CD81: variants seen among roughly 807,000 people sequenced by gnomAD.
The protein encoded by CD81 is CD81 molecule.
Under a neutral mutation model 30.1 loss-of-function variants are expected in CD81, and 10 were observed. The ratio of observed to expected loss-of-function variants is 0.33; its 90% CI spans 0.21 to 0.56. The LOEUF (loss-of-function observed/expected upper bound fraction) is 0.56. Ranked by LOEUF, CD81 falls within the 20% of genes least tolerant of loss-of-function variation. CD81 has a pLI of 0.89. For missense variants in CD81, 263 were observed against 308.7 expected (o/e 0.85, Z 1.11); for synonymous variants, 147 against 126.4 (o/e 1.16, Z -1.10).
At chr11:2,380,322 G>T (rs1849682884) in intron 1 of CD81, among the ~76,000 whole-genome samples, 2 of 152,068 alleles carry the variant, frequency 1.3e-5, no homozygotes, top group African/African-American at 4.8e-5. Flanking sequence ...CCATTTTAGA[G>T]AGGAAAGAGG....
intron 1 of CD81, chr11:2,386,774 T>C: frequency 1.5e-6 from 1 of 646,700 alleles, no homozygotes; most frequent in Non-Finnish European, 2.9e-6. Context: ...CGGCTGTCCC[T>C]CCCACCCCCT....
chr11:2,390,088 T>A (rs1486480915), intron 1 of CD81: 2 of 469,030 alleles, frequency 4.3e-6, no homozygotes, highest in African/African-American at 3.9e-5. Context: ...TGGGACACAC[T>A]TACCCTAAAG....
chr11:2,380,732 G>A (rs1299328138), intron 1 of CD81, among the ~76,000 whole-genome samples: 1 of 152,094 alleles, frequency 6.6e-6, no homozygotes, highest in Non-Finnish European at 1.5e-5. Flanking sequence ...CCCGGGACAG[G>A]GAACTGGCCT....
rs1023925894 is a variant in CD81, at chr11:2,382,832, A to G, written c.66+5217A>G. Among the ~76,000 whole-genome samples the G allele has an allele frequency of 2.6e-5, 4 of 152,198 alleles. No individual in the cohort carries two copies. In the South Asian group the frequency reaches 6.2e-4, roughly 24 times the overall value. On this transcript the variant is annotated intron_variant, in intron 1 of 7. Coordinates refer to ENST00000263645, the MANE Select transcript of CD81 (RefSeq NM_004356.4). ...GGACCCAGGCCGATGGGGGCCCAGA[A>G]CAGTCCTGATCCTGGAGCTCCTTCC...
At chr11:2,396,145 G>C (rs900819787) in intron 6 of CD81, 175 bp downstream of exon 6, 5 of 661,334 alleles carry the variant, frequency 7.6e-6, no homozygotes, top group Non-Finnish European at 1.4e-5. Flanking sequence ...TCTGGCCCAC[G>C]AGGAAGGCAG....
At position 2,377,683 on chromosome 11, in the gene CD81, G is replaced by C. The variant is rs1032272665; in HGVS notation, c.66+68G>C. ...ACACTCCACGTTGGGCAGGTCCCGCGGCAGCGTGCTAGGCCCCGCGGGCGC... is the reference window on the plus strand; with the variant it reads ...ACACTCCACGTTGGGCAGGTCCCGCCGCAGCGTGCTAGGCCCCGCGGGCGC... On this transcript the variant is annotated intron_variant, in intron 1 of 7. Transcript: ENST00000263645. This position sits in a 1 kb window ranked among gnomAD's most constrained non-coding sequence, Gnocchi z 7.7. 2 of 1,129,266 alleles carry C rather than the reference G, an allele frequency of 1.8e-6. No individual in the cohort carries two copies. The highest frequency in any genetic ancestry group is 2.5e-6 in the Non-Finnish European group (2 of 808,822). 70.0% of individuals were successfully genotyped at this position (1,129,266 alleles called of 1,614,324 possible). A position where few individuals can be genotyped will look rare whatever the true frequency, so the allele number is the denominator to read the frequency against.
rs757277562 is a variant in CD81 at position 2,394,013 on chromosome 11, T to G, written c.182-82T>G. ...ATCTTCCCAGCTGGGCGGCCCGTGG[T>G]GGGTTCGGCACCCAGGACCCTCCGG... is the stretch of plus-strand genomic sequence containing the variant. On this transcript the variant is annotated intron_variant, in intron 2 of 7. Coordinates refer to ENST00000263645, the MANE Select transcript of CD81 (RefSeq NM_004356.4). The G allele has an allele frequency of 1.5e-5, 16 of 1,045,380 alleles. No homozygotes were observed. In the South Asian group the frequency reaches 2.0e-4, roughly 13 times the overall value. 64.8% of individuals were successfully genotyped at this position (1,045,380 alleles called of 1,614,324 possible). A position where few individuals can be genotyped will look rare whatever the true frequency, so the allele number is the denominator to read the frequency against.
chr11:2,386,420 C>T (rs1849798695), intron 1 of CD81: 2 of 657,454 alleles, frequency 3.0e-6, no homozygotes, highest in East Asian at 2.7e-5. Context: ...GGCACCTGTG[C>T]CTTTCCCACC....
chr11:2,376,336 C>T (rs1318428138), upstream of CD81: 1 of 152,258 alleles, frequency 6.6e-6, no homozygotes, highest in Non-Finnish European at 1.5e-5. Flanking sequence ...GTTCTCCGGA[C>T]CTGGTCCCAC....
intron 1 of CD81, among the ~76,000 whole-genome samples, chr11:2,389,345 G>A (rs1849854420): frequency 1.3e-5 from 2 of 152,198 alleles, no homozygotes; most frequent in South Asian, 4.1e-4. Context: ...CTAGGCACCA[G>A]GGACAGCAGA....
intron 1 of CD81, among the ~76,000 whole-genome samples, chr11:2,389,381 A>C (rs1276849896): frequency 1.3e-5 from 2 of 152,046 alleles, no homozygotes; most frequent in Non-Finnish European, 2.9e-5. Flanking sequence ...CTCTCCCACC[A>C]CCAGAGGGCT....
At position 2,394,062 on chromosome 11, in the gene CD81, T is replaced by A. The variant is rs1989896; in HGVS notation, c.182-33T>A. On this transcript the variant is annotated intron_variant, in intron 2 of 7. Coordinates refer to ENST00000263645, the MANE Select transcript of CD81 (RefSeq NM_004356.4). ...GGGGTCTTGGGCTGTGGCGAGTGTG[T>A]AGGCACCCACCTGGTGTCTCTCTCC... 5 of 1,533,186 alleles carry A rather than the reference T, an allele frequency of 3.3e-6. No individual in the cohort carries two copies. In the South Asian group the frequency reaches 3.4e-5, roughly 10 times the overall value. The allele number at this position is 1,533,186 out of a possible 1,614,324, so 95.0% of individuals were successfully genotyped here.
chr11:2,394,373 G>A (rs912705327), intron 3 of CD81, among the ~76,000 whole-genome samples, 181 bp downstream of exon 3: 4 of 152,178 alleles, frequency 2.6e-5, no homozygotes, highest in African/African-American at 9.7e-5. Context: ...GGTCTCCATC[G>A]TGGCCAGTTC....
chr11:2,393,853 G>A, intron 2 of CD81: 1 of 673,174 alleles, frequency 1.5e-6, no homozygotes, highest in Non-Finnish European at 2.7e-6. Context: ...CGCTCATGAG[G>A]TGCCCAGTCC....
rs1034242976 is a variant in CD81, at chr11:2,386,388, A to C, written c.67-4024A>C. On this transcript the variant is annotated intron_variant, in intron 1 of 7. Coordinates refer to ENST00000263645, the MANE Select transcript of CD81 (RefSeq NM_004356.4). ...TCTGGGGAACCTCTAGCCCTGCCAC[A>C]TGGGGTTTGTTATGGGGCAGGGGCA... 2.4e-5 allele frequency: 15 copies of C among 635,034 alleles called. No homozygotes were observed. The African/African-American group carries it at 2.5e-4, about 11-fold the overall frequency. 39.3% of individuals were successfully genotyped at this position (635,034 alleles called of 1,614,324 possible).
Position 2,395,979 on chromosome 11 carries a change from G to A in CD81, c.561+9G>A. ...TCAGCAACCTCTTCAAGGTGCGCGA[G>A]GCCGGTGGGGCCGCGCCTGACCCCC... On this transcript the variant is annotated intron_variant, in intron 6 of 7. Coordinates refer to ENST00000263645, the MANE Select transcript of CD81 (RefSeq NM_004356.4). 1 of 1,573,008 alleles carries A rather than the reference G, an allele frequency of 6.4e-7. No individual in the cohort carries two copies. Among genetic ancestry groups the A allele is most frequent in the Non-Finnish European group, 8.7e-7 (1 of 1,144,636 alleles).
intron 2 of CD81, chr11:2,391,947 G>A (rs1849908081): frequency 6.6e-6 from 1 of 152,244 alleles, no homozygotes; most frequent in South Asian, 2.1e-4. Flanking sequence ...AGATCATTAG[G>A]ATATTTGGGG....
intron 2 of CD81, chr11:2,393,537 G>A (rs899069657): frequency 7.6e-5 from 24 of 316,866 alleles, no homozygotes; most frequent in African/African-American, 4.7e-4. Context: ...AAGTGCTGCT[G>A]TGCAGCCCAG....
chr11:2,392,998 C>T, intron 2 of CD81: 1 of 152,416 alleles, frequency 6.6e-6, no homozygotes, highest in Non-Finnish European at 1.5e-5. Flanking sequence ...AAGGAGGTGG[C>T]CACCTGCAGG....
Sources: allele counts gnomAD v4.1 joint callset (sites outside exome capture counted in the v4.1 genomes callset), GRCh38; gene constraint gnomAD v4.1.1; non-coding constraint Gnocchi (gnomAD v3.1); transcripts MANE v1.5; gene names NCBI Gene and HGNC (gene_info 2026-07-23, HGNC 2026-07-21).